Variants in ZFHX3 observed in about 807,000 individuals in gnomAD.
The protein encoded by ZFHX3 is zinc finger homeobox 3, also known as zinc finger homeobox protein 3.
Under a neutral mutation model 279.1 loss-of-function variants are expected in ZFHX3, and 42 were observed. That is an observed-to-expected ratio of 0.15 (90% CI 0.12 to 0.19). The LOEUF (loss-of-function observed/expected upper bound fraction) is 0.19, where lower values mean the gene tolerates loss of function less well. Among genes scored for constraint, ZFHX3 ranks in the 10% least tolerant of loss-of-function variants. The probability of loss-of-function intolerance (pLI) is 1.00; values close to 1 mark genes in which losing one functional copy is unlikely to be tolerated. For synonymous variants in ZFHX3, 2,293 were observed against 1,957.8 expected (o/e 1.17, Z -4.52); for missense variants, 4,981 against 4,754.0 (o/e 1.05, Z -1.40).
intron 2 of ZFHX3, among the ~76,000 whole-genome samples, chr16:73,553,216 G>A (rs2020227203): frequency 6.7e-6 from 1 of 148,582 alleles, no homozygotes; most frequent in Non-Finnish European, 1.5e-5. Flanking sequence ...TCAAAATAGT[G>A]TCTGATGAAA....
chr16:73,268,008 A>T (rs2014026929), intron 4 of ZFHX3, among the ~76,000 whole-genome samples: 1 of 152,212 alleles, frequency 6.6e-6, no homozygotes, highest in Non-Finnish European at 1.5e-5. Flanking sequence ...CTCCATCGTT[A>T]TACTTGGAAG....
intron 4 of ZFHX3, among the ~76,000 whole-genome samples, chr16:72,848,284 T>G (rs76100953): frequency 1.3e-5 from 2 of 152,062 alleles, no homozygotes; most frequent in Non-Finnish European, 2.9e-5. Flanking sequence ...TCGGAGCGCA[T>G]TGTACTGGGA....
At chr16:73,028,309 G>A (rs1337179284) in intron 1 of ZFHX3, among the ~76,000 whole-genome samples, 1 of 152,134 alleles carries the variant, frequency 6.6e-6, no homozygotes, top group East Asian at 1.9e-4. Flanking sequence ...CAGTCCACCG[G>A]GAGGTGGAAA....
chr16:72,839,549 C>G (rs535496987), intron 4 of ZFHX3, among the ~76,000 whole-genome samples: 1 of 152,116 alleles, frequency 6.6e-6, no homozygotes, highest in African/African-American at 2.4e-5. Flanking sequence ...TGATTCCAAC[C>G]CAGTATGCTA....
intron 1 of ZFHX3, among the ~76,000 whole-genome samples, chr16:73,762,475 G>A (rs1364197909): frequency 6.6e-6 from 1 of 152,140 alleles, no homozygotes; most frequent in African/African-American, 2.4e-5. Flanking sequence ...TCCCATTACT[G>A]GGAATATAAC....
intron 1 of ZFHX3, among the ~76,000 whole-genome samples, chr16:73,846,304 A>T (rs972756823): frequency 1.3e-5 from 2 of 152,182 alleles, no homozygotes; most frequent in African/African-American, 4.8e-5. Context: ...GGAAGGCTTA[A>T]AAAATAGGAG....
intron 1 of ZFHX3, among the ~76,000 whole-genome samples, chr16:73,018,951 G>A (rs935521491): frequency 1.3e-5 from 2 of 152,102 alleles, no homozygotes; most frequent in Non-Finnish European, 1.5e-5. Context: ...CTCTGACCTC[G>A]CTTCTAAGGA....
At chr16:73,577,890 T>A (rs1474527972) in intron 2 of ZFHX3, among the ~76,000 whole-genome samples, 1 of 152,182 alleles carries the variant, frequency 6.6e-6, no homozygotes, top group East Asian at 1.9e-4. Flanking sequence ...ACGTTCCAGG[T>A]CAAATATCAA....
intron 1 of ZFHX3, among the ~76,000 whole-genome samples, chr16:72,977,855 A>AT (rs569202728): frequency 4.6e-5 from 7 of 150,942 alleles, no homozygotes; most frequent in Non-Finnish European, 1.5e-5. Context: ...AGGACCAGGG[A>AT]TTTTTTTTCT....
At chr16:73,193,485 G>T (rs1968085060) in intron 5 of ZFHX3, among the ~76,000 whole-genome samples, 1 of 152,168 alleles carries the variant, frequency 6.6e-6, no homozygotes, top group Non-Finnish European at 1.5e-5. Flanking sequence ...TGGCACCAAG[G>T]AACATGTTGA....
At chr16:73,540,980 C>T (rs1442361194) in intron 2 of ZFHX3, among the ~76,000 whole-genome samples, 1 of 152,124 alleles carries the variant, frequency 6.6e-6, no homozygotes, top group Non-Finnish European at 1.5e-5. Context: ...TAGGGGTCAT[C>T]TCAGAGACCC....
chr16:73,291,017 T>C (rs1401080267), intron 4 of ZFHX3, among the ~76,000 whole-genome samples: 6 of 152,164 alleles, frequency 3.9e-5, no homozygotes, highest in African/African-American at 7.2e-5. Flanking sequence ...GCTTAGAAGA[T>C]GTAAAACCAT....
chr16:73,157,423 T>C (rs76347678), intron 5 of ZFHX3, among the ~76,000 whole-genome samples: 9 of 127,382 alleles, frequency 7.1e-5, no homozygotes, highest in African/African-American at 2.8e-4. Flanking sequence ...TTGGCTATGA[T>C]CAATGTGGAG....
At chr16:72,947,247 GA>G (rs1386198443) in intron 3 of ZFHX3, among the ~76,000 whole-genome samples, 3 of 151,276 alleles carry the variant, frequency 2.0e-5, no homozygotes, top group Non-Finnish European at 4.4e-5. Context: ...AGGTGCAAAA[GA>G]AAAACAGGTT....
At position 73,374,309 on chromosome 16, in the gene ZFHX3, G is replaced by T. The variant is rs1196168882; in HGVS notation, c.-1290-55973C>A. ...GTTACAGAAAATAACAAACCTCCAT[G>T]TATTCACTGCTTAGCTTCAACAATG... On this transcript the variant is annotated intron_variant, in intron 3 of 17. Coordinates refer to the ZFHX3 transcript ENST00000641206. 2.0e-5 allele frequency among the ~76,000 whole-genome samples: 3 copies of T among 151,742 alleles called. No homozygotes were observed. The East Asian group carries it at 5.8e-4, about 29-fold the overall frequency.
At chr16:73,887,838 A>G (rs561517573) in intron 1 of ZFHX3, among the ~76,000 whole-genome samples, 162 of 152,250 alleles carry the variant, frequency 1.1e-3, no homozygotes, top group African/African-American at 3.8e-3. Flanking sequence ...TCTCATTTTC[A>G]ACACTTAAAA....
chr16:73,027,416 T>C (rs374267484), intron 1 of ZFHX3, among the ~76,000 whole-genome samples: 11 of 152,218 alleles, frequency 7.2e-5, no homozygotes, highest in African/African-American at 2.4e-4. Flanking sequence ...CTGACAGCAA[T>C]ACAGCTTGCG....
intron 3 of ZFHX3, among the ~76,000 whole-genome samples, chr16:73,405,998 C>T (rs1037912253): frequency 2.6e-5 from 4 of 152,234 alleles, no homozygotes; most frequent in Non-Finnish European, 5.9e-5. Flanking sequence ...GGTTTCCAAG[C>T]AGCATCAGCG....
At chr16:73,703,021 A>G (rs1227552560) in intron 1 of ZFHX3, among the ~76,000 whole-genome samples, 1 of 152,206 alleles carries the variant, frequency 6.6e-6, no homozygotes, top group African/African-American at 2.4e-5. Flanking sequence ...AAGAGGAGAA[A>G]GAGCTGAGAG....
Sources: allele counts gnomAD v4.1 joint callset (sites outside exome capture counted in the v4.1 genomes callset), GRCh38; gene constraint gnomAD v4.1.1; transcripts MANE v1.5; gene names NCBI Gene and HGNC (gene_info 2026-07-23, HGNC 2026-07-21).